Variants in KDM5A observed in about 807,000 individuals in gnomAD.
KDM5A encodes the protein lysine demethylase 5A, also known as lysine-specific demethylase 5A.
KDM5A carries 42 observed loss-of-function variants against 193.5 expected under a neutral mutation model. That is an observed-to-expected ratio of 0.22 (90% CI 0.17 to 0.28). KDM5A has a LOEUF of 0.28. Among genes scored for constraint, KDM5A ranks in the 10% least tolerant of loss-of-function variants. KDM5A has a pLI of 1.00. For missense variants in KDM5A, 1,692 were observed against 2,055.1 expected (o/e 0.82, Z 3.42); for synonymous variants, 796 against 718.1 (o/e 1.11, Z -1.73).
intron 24 of KDM5A, among the ~76,000 whole-genome samples, chr12:306,334 C>G (rs1943506680): frequency 6.6e-6 from 1 of 152,092 alleles, no homozygotes; most frequent in South Asian, 2.1e-4. Flanking sequence ...AGAAAAAAAT[C>G]TGAAAAACTG....
intron 3 of KDM5A, among the ~76,000 whole-genome samples, chr12:382,450 C>A (rs1291090969): frequency 1.4e-5 from 2 of 145,274 alleles, no homozygotes; most frequent in Non-Finnish European, 3.0e-5. Context: ...GCAACAAGGG[C>A]GTGACTCCAT....
Position 348,197 on chromosome 12 carries a change from A to G in KDM5A, c.1308+2424T>C, listed in dbSNP as rs1944103267. ...ATCACTGGCCATCAGAGAAATGCAA[A>G]TCAAAACCACAATGAGATACCATCT... On this transcript the variant is annotated intron_variant, in intron 10 of 27. Transcript: ENST00000399788. 2.0e-5 allele frequency among the ~76,000 whole-genome samples: 3 copies of G among 152,230 alleles called. No homozygotes were observed. In the South Asian group the frequency reaches 6.2e-4, roughly 32 times the overall value.
intron 17 of KDM5A, 40 bp from the exon 18 acceptor site, chr12:321,149 C>A (rs764578029): frequency 7.0e-7 from 1 of 1,428,174 alleles, no homozygotes; most frequent in Non-Finnish European, 9.9e-7. Context: ...AAGAAAAATT[C>A]AGTCATTCTG....
intron 5 of KDM5A, among the ~76,000 whole-genome samples, chr12:360,863 T>A (rs952654050): frequency 3.9e-5 from 6 of 152,112 alleles, no homozygotes; most frequent in Non-Finnish European, 7.4e-5. Flanking sequence ...TTTCTCAGTA[T>A]GCTGAAATCA....
At position 307,616 on chromosome 12, in the gene KDM5A, C is replaced by T. The variant is rs1943525462; in HGVS notation, c.3768G>A (p.Trp1256Ter). ...LQCLTERAMS[W>*]QDRARQALAT... The stretch of plus-strand genomic sequence containing the variant: ...CTAGAGCCTGCCGCGCTCTATCTTG[C>T]CAACTCATAGCACGTTCTGTCAAAC... Residue 1256 changes from tryptophan to a stop codon, truncating the protein, a stop_gained, in exon 23 of 28, where the codon TGG becomes TGA. Transcript: ENST00000399788. LOFTEE classifies it high-confidence loss of function. This position sits in a 1 kb window ranked among gnomAD's most constrained non-coding sequence, Gnocchi z 4.3. 6.2e-7 allele frequency: 1 copy of T among 1,614,172 alleles called. No homozygotes were observed.
intron 5 of KDM5A, among the ~76,000 whole-genome samples, chr12:359,562 T>C (rs1020699710): frequency 9.3e-5 from 14 of 151,304 alleles, no homozygotes; most frequent in Middle Eastern, 6.8e-3. Flanking sequence ...CTGGGCAACA[T>C]GGCAAAACCC....
chr12:387,232 A>G, intron 1 of KDM5A: 1 of 367,730 alleles, frequency 2.7e-6, no homozygotes, highest in Non-Finnish European at 5.2e-6. Context: ...TAGTCAAAAA[A>G]AAAAAAAAGT....
At chr12:332,599 GA>G (rs1223921360) in intron 12 of KDM5A, among the ~76,000 whole-genome samples, 2 of 152,042 alleles carry the variant, frequency 1.3e-5, no homozygotes, top group African/African-American at 4.8e-5. Flanking sequence ...AACTTAGGTT[GA>G]AAAGTGAAAA....
intron 4 of KDM5A, among the ~76,000 whole-genome samples, chr12:365,571 G>C (rs1420441047): frequency 3.3e-5 from 5 of 152,178 alleles, no homozygotes. Context: ...CTGGATCACA[G>C]TGATCGCTGC....
At chr12:350,132 G>GA (rs199645605) in intron 10 of KDM5A, among the ~76,000 whole-genome samples, 2,962 of 135,912 alleles carry the variant, frequency 0.022, 133 homozygotes, top group South Asian at 0.17. Context: ...CCTCTCAAAG[G>GA]AAAAAAAAAA....
rs1195947493 is a variant in KDM5A at position 352,096 on chromosome 12, T to G, written c.1149+109A>C. 17 of 908,438 alleles carry G rather than the reference T, an allele frequency of 1.9e-5. No individual in the cohort carries two copies. The African/African-American group carries it at 4.4e-4, about 24-fold the overall frequency. The allele number at this position is 908,438 out of a possible 1,614,324, so 56.3% of individuals were successfully genotyped here. A position where few individuals can be genotyped will look rare whatever the true frequency, so the allele number is the denominator to read the frequency against. On this transcript the variant is annotated intron_variant, in intron 9 of 27. Coordinates refer to ENST00000399788, the MANE Select transcript of KDM5A (RefSeq NM_001042603.3). ...TCCAGCCTGGGCGACAAAGCAAGACTCCGTCTCAAAAAAAAAAAAAAAAAA... is the reference window on the plus strand; with the variant it reads ...TCCAGCCTGGGCGACAAAGCAAGACGCCGTCTCAAAAAAAAAAAAAAAAAA...
chr12:380,648 G>A (rs2137493968), intron 3 of KDM5A, among the ~76,000 whole-genome samples: 1 of 152,192 alleles, frequency 6.6e-6, no homozygotes, highest in Non-Finnish European at 1.5e-5. Flanking sequence ...GGTTGAACCT[G>A]GGAGATGGAG....
intron 18 of KDM5A, among the ~76,000 whole-genome samples, chr12:319,940 A>G (rs960025486): frequency 5.3e-5 from 8 of 152,148 alleles, no homozygotes; most frequent in African/African-American, 1.9e-4. Flanking sequence ...AGGTATCAGA[A>G]GTGGGGGCAC....
rs138885698 is a variant in KDM5A at position 323,505 on chromosome 12, G to C, written c.2150+95C>G. 2.9e-4 allele frequency: 359 copies of C among 1,252,276 alleles called. 2 individuals carry two copies. The African/African-American group carries it at 4.6e-3, about 16-fold the overall frequency. The allele number at this position is 1,252,276 out of a possible 1,614,324, so 77.6% of individuals were successfully genotyped here. ...GTAGACAGTGAAGTTTAGAAGTCCA[G>C]AGTAAAGGAGTAAAGTAAGGGAATA... On this transcript the variant is annotated intron_variant, in intron 15 of 27. Transcript: ENST00000399788.
At chr12:341,479 G>GA (rs3216508) in intron 10 of KDM5A, among the ~76,000 whole-genome samples, 35 of 148,264 alleles carry the variant, frequency 2.4e-4, no homozygotes, top group Non-Finnish European at 3.4e-4. Context: ...TGACAAGAGG[G>GA]AAAAAAAAAA....
Position 318,393 on chromosome 12 carries a change from A to G in KDM5A, c.2610T>C (p.Asp870=), listed in dbSNP as rs745512346. 3 of 1,614,182 alleles carry G rather than the reference A, an allele frequency of 1.9e-6. No homozygotes were observed. Among genetic ancestry groups the G allele is most frequent in the Non-Finnish European group, 1.7e-6 (2 of 1,180,010 alleles). Residue 870 remains aspartate (D), a synonymous_variant, in exon 19 of 28, where the codon GAT becomes GAC. Coordinates refer to ENST00000399788, the MANE Select transcript of KDM5A (RefSeq NM_001042603.3). ...AQEAMMDETP[D]SSKLQMLIDM... is the part of the protein sequence containing the mutation. ...CTATCAACATCTGGAGTTTGGAAGA[A>G]TCTGGGGTTTCATCCATCATGGCCT...
At chr12:363,161 T>G in intron 4 of KDM5A, 64 bp from the exon 5 acceptor site, 1 of 1,595,966 alleles carries the variant, frequency 6.3e-7, no homozygotes, top group South Asian at 1.1e-5. Flanking sequence ...GGAGAATCAG[T>G]GTAAAAGTAA....
At position 282,921 on chromosome 12, in the gene KDM5A, T is replaced by C. The variant is rs889361558; in HGVS notation, c.*2535A>G. On this transcript the variant is annotated 3_prime_UTR_variant, in exon 28 of 28. Coordinates refer to ENST00000399788, the MANE Select transcript of KDM5A (RefSeq NM_001042603.3). ...TGTGTATTTTTTGTTTTGCCATTAA[T>C]TTCTCCCTTCTGTTCTTCTCAGCCT... 8.6e-6 allele frequency: 2 copies of C among 232,228 alleles called. No individual in the cohort carries two copies. The highest frequency in any genetic ancestry group is 2.2e-5 in the African/African-American group (1 of 45,316). 14.4% of individuals were successfully genotyped at this position (232,228 alleles called of 1,614,324 possible).
At chr12:325,950 G>A (rs1328308245) in intron 14 of KDM5A, among the ~76,000 whole-genome samples, 1 of 152,134 alleles carries the variant, frequency 6.6e-6, no homozygotes, top group Admixed American at 6.5e-5. Flanking sequence ...GGGGGCAGAG[G>A]TTGCAGTAAG....
Sources: gnomAD v4.1 joint callset for allele counts (sites outside exome capture counted in the v4.1 genomes callset) on GRCh38, gnomAD v4.1.1 for gene constraint, Gnocchi (gnomAD v3.1) non-coding constraint, MANE v1.5 for transcripts, NCBI Gene and HGNC (gene_info 2026-07-23, HGNC 2026-07-21) for gene names.